The following CADM2 variants were observed in gnomAD, a reference collection of about 807,000 sequenced individuals.
CADM2 encodes cell adhesion molecule 2.
In CADM2, 12 loss-of-function variants were observed where a neutral mutation model predicts 49.8. That is an observed-to-expected ratio of 0.24 (90% CI 0.15 to 0.39). The LOEUF (loss-of-function observed/expected upper bound fraction) is 0.39. Ranked by LOEUF, CADM2 falls within the 10% of genes least tolerant of loss-of-function variation. The pLI is 1.00. For missense variants in CADM2, 378 were observed against 492.3 expected (o/e 0.77, Z 2.20); for synonymous variants, 214 against 175.4 (o/e 1.22, Z -1.74).
At chr3:85,191,072 G>A (rs2041196244) in intron 1 of CADM2, among the ~76,000 whole-genome samples, 1 of 151,866 alleles carries the variant, frequency 6.6e-6, no homozygotes, top group South Asian at 2.1e-4. Context: ...ATATTCTGTT[G>A]GCAAAATATA....
chr3:85,767,912 T>A (rs1409833668), intron 2 of CADM2, among the ~76,000 whole-genome samples: 2 of 152,158 alleles, frequency 1.3e-5, no homozygotes, highest in Non-Finnish European at 2.9e-5. Flanking sequence ...TACGTATGTA[T>A]CTAACCTTTT....
chr3:85,317,083 T>C (rs2044482754), intron 1 of CADM2, among the ~76,000 whole-genome samples: 1 of 152,142 alleles, frequency 6.6e-6, no homozygotes, highest in Non-Finnish European at 1.5e-5. Flanking sequence ...ACTGTGGTCA[T>C]AATGAAGCTT....
intron 1 of CADM2, among the ~76,000 whole-genome samples, chr3:85,648,681 G>A (rs755038617): frequency 1.3e-5 from 2 of 151,972 alleles, no homozygotes; most frequent in Non-Finnish European, 2.9e-5. Flanking sequence ...ATAGTCCTAA[G>A]AAGAAATCCA....
intron 1 of CADM2, among the ~76,000 whole-genome samples, chr3:85,468,964 T>C (rs2038646739): frequency 6.6e-6 from 1 of 152,142 alleles, no homozygotes; most frequent in South Asian, 2.1e-4. Context: ...TCTCAATTTG[T>C]CATTGGTTGA....
chr3:86,042,781 G>T (rs115882952), intron 8 of CADM2, among the ~76,000 whole-genome samples: 9,974 of 152,128 alleles, frequency 0.066, 872 homozygotes, highest in African/African-American at 0.2. Flanking sequence ...AACAAAAAAT[G>T]ACTATTTTAG....
intron 1 of CADM2, among the ~76,000 whole-genome samples, chr3:85,168,334 C>A (rs189523278): frequency 1.3e-5 from 2 of 152,122 alleles, no homozygotes; most frequent in Non-Finnish European, 2.9e-5. Context: ...TGATTACAGG[C>A]ATGAGCTACC....
intron 1 of CADM2, among the ~76,000 whole-genome samples, chr3:85,424,743 T>G (rs2036323427): frequency 6.6e-6 from 1 of 152,236 alleles, no homozygotes; most frequent in Admixed American, 6.5e-5. Flanking sequence ...AAAAATCTCT[T>G]TGATTTCATA....
intron 1 of CADM2, among the ~76,000 whole-genome samples, chr3:85,215,358 TAAAAAAAA>T (rs955035192): frequency 1.2e-5 from 1 of 80,920 alleles, no homozygotes; most frequent in Non-Finnish European, 2.2e-5. Context: ...CTCTCTTTTT[TAAAAAAAA>T]AAAAAAAAAA....
At chr3:85,310,788 T>C (rs2044322758) in intron 1 of CADM2, among the ~76,000 whole-genome samples, 1 of 152,230 alleles carries the variant, frequency 6.6e-6, no homozygotes, top group African/African-American at 2.4e-5. Flanking sequence ...CAGAAATTTT[T>C]ACATCACCAA....
chr3:85,945,235 T>C (rs570841671), intron 7 of CADM2, among the ~76,000 whole-genome samples: 39 of 152,150 alleles, frequency 2.6e-4, no homozygotes, highest in African/African-American at 9.4e-4. Context: ...CAGGAAGAAG[T>C]TGAATCTCTG....
At chr3:85,507,820 G>T (rs1341558051) in intron 1 of CADM2, among the ~76,000 whole-genome samples, 1 of 152,108 alleles carries the variant, frequency 6.6e-6, no homozygotes, top group Non-Finnish European at 1.5e-5. Flanking sequence ...GTTTCTGGGG[G>T]ATAATTTAAC....
chr3:85,571,793 A>G (rs73843661), intron 1 of CADM2, among the ~76,000 whole-genome samples: 1,712 of 152,282 alleles, frequency 0.011, 36 homozygotes, highest in African/African-American at 0.039. Flanking sequence ...GTCAATGACT[A>G]TTTTGTAAGG....
At chr3:85,896,645 GTGTGTTTCAAAA>G (rs1715254302) in intron 5 of CADM2, among the ~76,000 whole-genome samples, 2 of 152,122 alleles carry the variant, frequency 1.3e-5, no homozygotes, top group Non-Finnish European at 2.9e-5. Context: ...ATTATATACC[GTGTGTTTCAAAA>G]TGTTTGGCCA....
rs142747756 is a variant in CADM2, at chr3:85,624,744, A to G, written c.62-101778A>G. Among the ~76,000 whole-genome samples the G allele has an allele frequency of 2.2e-3, 329 of 152,298 alleles. 1 individual carries two copies. The highest frequency in any genetic ancestry group is 7.0e-3 in the African/African-American group (289 of 41,570). ...TCATTCACATTATTCCCAGCTTTGAAGATCACCTGGAAAAATGCTTCTGTC... is the reference window on the plus strand; with the variant it reads ...TCATTCACATTATTCCCAGCTTTGAGGATCACCTGGAAAAATGCTTCTGTC... On this transcript the variant is annotated intron_variant, in intron 1 of 9. Transcript: ENST00000383699.
chr3:85,944,177 G>T (rs1378843191), intron 7 of CADM2, among the ~76,000 whole-genome samples: 1 of 152,148 alleles, frequency 6.6e-6, no homozygotes, highest in East Asian at 1.9e-4. Context: ...GACAAAAAAG[G>T]CCGTTACGTA....
chr3:85,449,772 C>G (rs1360146837), intron 1 of CADM2, among the ~76,000 whole-genome samples: 1 of 152,028 alleles, frequency 6.6e-6, no homozygotes, highest in Non-Finnish European at 1.5e-5. Context: ...ATCAAATAAT[C>G]TAGATTTCTT....
chr3:85,070,073 T>A (rs959902141), intron 1 of CADM2, among the ~76,000 whole-genome samples: 6 of 152,008 alleles, frequency 3.9e-5, no homozygotes, highest in African/African-American at 1.4e-4. Flanking sequence ...ATAAGCAAAA[T>A]TTTTTTTCTG....
intron 1 of CADM2, among the ~76,000 whole-genome samples, chr3:85,378,730 G>A (rs988691535): frequency 4.6e-5 from 7 of 151,828 alleles, no homozygotes; most frequent in Admixed American, 2.6e-4. Context: ...TGAGGGAAAG[G>A]GTGGGAGAGG....
rs2036963067 is a variant in CADM2 at position 85,076,823 on chromosome 3, T to A, written c.61+117155T>A. On this transcript the variant is annotated intron_variant, in intron 1 of 9. Coordinates refer to ENST00000383699, the MANE Select transcript of CADM2 (RefSeq NM_001167675.2). Reference sequence around the variant, plus strand: ...TCCATCTGTACTAAAAATACAAAAATTACAAGGGCGTGGTGGCAGGCACCT... The same window carrying A: ...TCCATCTGTACTAAAAATACAAAAAATACAAGGGCGTGGTGGCAGGCACCT... Among the ~76,000 whole-genome samples the A allele has an allele frequency of 4.6e-5, 7 of 152,004 alleles. No homozygotes were observed. In the South Asian group the frequency reaches 1.5e-3, roughly 32 times the overall value.
Sources: allele counts gnomAD v4.1 joint callset (sites outside exome capture counted in the v4.1 genomes callset), GRCh38; gene constraint gnomAD v4.1.1; transcripts MANE v1.5; gene names NCBI Gene and HGNC (gene_info 2026-07-23, HGNC 2026-07-21).